The following ZNF480 variants were observed in gnomAD, a reference collection of about 807,000 sequenced individuals.
ZNF480 encodes zinc finger protein 480.
ZNF480 carries 15 observed loss-of-function variants against 14.4 expected under a neutral mutation model. The ratio of observed to expected loss-of-function variants is 1.04; its 90% CI spans 0.70 to 1.60. The LOEUF is 1.60. ZNF480 is among the 40% of genes most tolerant of loss of function. The pLI is 0.00. For missense variants in ZNF480, 593 were observed against 629.7 expected (o/e 0.94, Z 0.62); for synonymous variants, 218 against 215.5 (o/e 1.01, Z -0.10).
chr19:52,311,485 T>A (rs565875549), intron 2 of ZNF480, among the ~76,000 whole-genome samples: 1 of 152,292 alleles, frequency 6.6e-6, no homozygotes, highest in South Asian at 2.1e-4. Context: ...CCTACATTTA[T>A]ATTTTTGAAT....
intron 1 of ZNF480, 138 bp from the exon 2 acceptor site, chr19:52,300,256 G>A: frequency 1.1e-6 from 1 of 905,880 alleles, no homozygotes. Flanking sequence ...GGAGTTTCTT[G>A]TCTCTGCATC....
intron 2 of ZNF480, among the ~76,000 whole-genome samples, chr19:52,305,105 A>AC (rs1028234890): frequency 1.3e-5 from 2 of 152,106 alleles, no homozygotes; most frequent in African/African-American, 4.8e-5. Flanking sequence ...TCTCAAAAAA[A>AC]CAAAAAACAA....
At chr19:52,304,885 T>C (rs1471241364) in intron 2 of ZNF480, among the ~76,000 whole-genome samples, 1 of 151,784 alleles carries the variant, frequency 6.6e-6, no homozygotes, top group Non-Finnish European at 1.5e-5. Flanking sequence ...GATCACGAGG[T>C]CAGGAGTTTG....
chr19:52,316,162 G>C (rs779069983), intron 4 of ZNF480, among the ~76,000 whole-genome samples, 200 bp downstream of exon 4: 10 of 151,316 alleles, frequency 6.6e-5, no homozygotes, highest in Non-Finnish European at 1.2e-4. Flanking sequence ...TTGTTTATTT[G>C]ACTGGAGATC....
Position 52,314,071 on chromosome 19 carries a change from A to G in ZNF480, c.73-82A>G, listed in dbSNP as rs546327531. On this transcript the variant is annotated intron_variant, in intron 2 of 4. Coordinates refer to ENST00000595962, the MANE Select transcript of ZNF480 (RefSeq NM_144684.4). The stretch of plus-strand genomic sequence containing the variant: ...CAGAACATTCTCTTCAATCCAGTTA[A>G]TCTTTACAACTCCCTTCTCATTTTG... The G allele has an allele frequency of 4.1e-4, 578 of 1,417,238 alleles. 1 individual carries two copies. The highest frequency in any genetic ancestry group is 5.4e-4 in the Non-Finnish European group (565 of 1,050,210). 87.8% of individuals were successfully genotyped at this position (1,417,238 alleles called of 1,614,324 possible). A position where few individuals can be genotyped will look rare whatever the true frequency, so the allele number is the denominator to read the frequency against.
At chr19:52,314,763 C>T (rs1983470311) in intron 3 of ZNF480, among the ~76,000 whole-genome samples, 1 of 151,728 alleles carries the variant, frequency 6.6e-6, no homozygotes. Context: ...GAGAATGCAC[C>T]ATTGCACTCC....
intron 2 of ZNF480, among the ~76,000 whole-genome samples, chr19:52,309,191 C>T (rs1463780118): frequency 6.6e-6 from 1 of 152,196 alleles, no homozygotes; most frequent in Non-Finnish European, 1.5e-5. Flanking sequence ...TCTGAATTAA[C>T]AATCAGTCAC....
At position 52,321,939 on chromosome 19, in the gene ZNF480, C is replaced by T. The variant is rs767939490; in HGVS notation, c.689C>T (p.Pro230Leu). Residue 230 changes from proline to leucine, a missense_variant, in exon 5 of 5, where the codon CCT (proline) becomes CTT (leucine). Pro to Leu is a moderately conservative substitution (Grantham distance 98). Coordinates refer to ENST00000595962, the MANE Select transcript of ZNF480 (RefSeq NM_144684.4). ...KHQVIHTVEK[P>L]YKCNSCGKVF... ...CAAGTAATCCATACTGTAGAGAAAC[C>T]TTACAAATGTAATTCATGCGGCAAG... 5 of 1,614,072 alleles carry T rather than the reference C, an allele frequency of 3.1e-6. No homozygotes were observed. In the Admixed American group the frequency reaches 5.0e-5, roughly 16 times the overall value.
At chr19:52,319,017 C>T (rs1429039412) in intron 4 of ZNF480, among the ~76,000 whole-genome samples, 1 of 152,014 alleles carries the variant, frequency 6.6e-6, no homozygotes, top group Non-Finnish European at 1.5e-5. Flanking sequence ...GCATGTGCCA[C>T]CATGCCTGGC....
chr19:52,300,616 T>G, intron 2 of ZNF480, 132 bp downstream of exon 2: 1 of 1,499,068 alleles, frequency 6.7e-7, no homozygotes, highest in South Asian at 1.2e-5. Flanking sequence ...ATGCCTTCCC[T>G]CAGTGCCGAG....
At chr19:52,321,460 AGT>A (rs1983805663) in intron 4 of ZNF480, 117 bp from the exon 5 acceptor site, 1 of 832,718 alleles carries the variant, frequency 1.2e-6, no homozygotes, top group South Asian at 1.9e-5. Context: ...TGATGTACAA[AGT>A]GTGCTGATAT....
chr19:52,309,470 C>T (rs950369267), intron 2 of ZNF480, among the ~76,000 whole-genome samples: 1 of 152,196 alleles, frequency 6.6e-6, no homozygotes, highest in Non-Finnish European at 1.5e-5. Context: ...ATACTGGTGC[C>T]TTTGTTCTCA....
chr19:52,324,163 A>G lies in ZNF480; in HGVS notation c.*1305A>G, dbSNP rs775490748. Reference sequence around the variant, plus strand: ...TCTATACACCAGTAATGTCCAAGCTATGAACCAAATCAAGAATGGAATCCC... The same window carrying G: ...TCTATACACCAGTAATGTCCAAGCTGTGAACCAAATCAAGAATGGAATCCC... On this transcript the variant is annotated 3_prime_UTR_variant, in exon 5 of 5. Coordinates refer to ENST00000595962, the MANE Select transcript of ZNF480 (RefSeq NM_144684.4). 23 of 152,288 alleles carry G rather than the reference A, an allele frequency of 1.5e-4. No homozygotes were observed. The highest frequency in any genetic ancestry group is 2.5e-4 in the Non-Finnish European group (17 of 67,992). The allele number at this position is 152,288 out of a possible 1,614,324, so 9.4% of individuals were successfully genotyped here. A position where few individuals can be genotyped will look rare whatever the true frequency, so the allele number is the denominator to read the frequency against.
chr19:52,310,862 G>A (rs1347874723), intron 2 of ZNF480, among the ~76,000 whole-genome samples: 3 of 151,460 alleles, frequency 2.0e-5, no homozygotes, highest in Non-Finnish European at 1.5e-5. Context: ...AAAATTAGCC[G>A]GGCATGGTGG....
intron 3 of ZNF480, among the ~76,000 whole-genome samples, 194 bp downstream of exon 3, chr19:52,314,473 C>CAAAAAAAAAAAAAA (rs34349660): frequency 4.5e-5 from 3 of 66,210 alleles, no homozygotes; most frequent in African/African-American, 1.9e-4. Context: ...AACTCCGTCC[C>CAAAAAAAAAAAAAA]AAAAAAAAAA....
chr19:52,304,981 C>A (rs1437881491), intron 2 of ZNF480, among the ~76,000 whole-genome samples: 1 of 151,986 alleles, frequency 6.6e-6, no homozygotes, highest in African/African-American at 2.4e-5. Flanking sequence ...CACCTGTGGT[C>A]CCAGCTACTT....
chr19:52,311,170 A>C (rs966601694), intron 2 of ZNF480, among the ~76,000 whole-genome samples: 1 of 151,872 alleles, frequency 6.6e-6, no homozygotes, highest in Non-Finnish European at 1.5e-5. Flanking sequence ...CAAATAGATA[A>C]ATTTTATGGA....
At chr19:52,314,459 G>A (rs1342653067) in intron 3 of ZNF480, among the ~76,000 whole-genome samples, 180 bp downstream of exon 3, 2 of 108,572 alleles carry the variant, frequency 1.8e-5, no homozygotes, top group African/African-American at 7.6e-5. Flanking sequence ...TGCCAACAGA[G>A]TGAAACTCCG....
At chr19:52,314,305 C>A (rs377047793) in intron 3 of ZNF480, 26 bp downstream of exon 3, 1 of 1,489,538 alleles carries the variant, frequency 6.7e-7, no homozygotes, top group Admixed American at 2.1e-5. Context: ...CTGCAGAAGC[C>A]GGGATCTGCC....
Sources: allele counts gnomAD v4.1 joint callset (sites outside exome capture counted in the v4.1 genomes callset), GRCh38; gene constraint gnomAD v4.1.1; transcripts MANE v1.5; gene names NCBI Gene and HGNC (gene_info 2026-07-23, HGNC 2026-07-21).